Variants in GLO1 observed in about 807,000 individuals in gnomAD.
The protein encoded by GLO1 is glyoxalase I.
Under a neutral mutation model 26.0 loss-of-function variants are expected in GLO1, and 28 were observed. The ratio of observed to expected loss-of-function variants is 1.08; its 90% CI spans 0.80 to 1.48. GLO1 has a LOEUF of 1.48. GLO1 is among the 40% of genes most tolerant of loss of function. The pLI is 0.00. For missense variants in GLO1, 225 were observed against 224.8 expected, an observed-to-expected ratio of 1.00 and a Z score of -0.01; for synonymous variants, 78 against 77.6, an observed-to-expected ratio of 1.00 and a Z score of -0.03.
chr6:38,686,848 G>T, intron 2 of GLO1, 44 bp downstream of exon 2: 2 of 1,043,320 alleles, frequency 1.9e-6, no homozygotes, highest in Non-Finnish European at 3.0e-6. Context: ...GATTTGCAAA[G>T]CTATATATTT....
chr6:38,684,341 A>G (rs1322977559), intron 3 of GLO1, 33 bp downstream of exon 3: 1 of 1,142,078 alleles, frequency 8.8e-7, no homozygotes, highest in African/African-American at 1.6e-5. Flanking sequence ...TAAAAAATCT[A>G]TAATATATAT....
intron 5 of GLO1, among the ~76,000 whole-genome samples, chr6:38,678,118 A>C (rs751852734): frequency 5.3e-5 from 8 of 152,220 alleles, no homozygotes; most frequent in Non-Finnish European, 8.8e-5. Context: ...AAGCTCTGCG[A>C]GAGTCTTTCT....
intron 1 of GLO1, among the ~76,000 whole-genome samples, chr6:38,693,260 T>C (rs1231257452): frequency 1.3e-5 from 2 of 152,206 alleles, no homozygotes; most frequent in Non-Finnish European, 2.9e-5. Context: ...CCAATTCAAG[T>C]TGTCAAATTT....
At chr6:38,702,898 G>T in intron 1 of GLO1, 73 bp downstream of exon 1, 1 of 841,982 alleles carries the variant, frequency 1.2e-6, no homozygotes, top group Non-Finnish European at 2.0e-6. Flanking sequence ...CGGCGGGATG[G>T]GGTTGGATAG....
At chr6:38,682,439 G>A (rs1194558246) in intron 4 of GLO1, among the ~76,000 whole-genome samples, 1 of 152,154 alleles carries the variant, frequency 6.6e-6, no homozygotes, top group East Asian at 1.9e-4. Context: ...GACTATAGCA[G>A]CCAGCTGAAG....
At chr6:38,687,110 G>A (rs926084517) in intron 1 of GLO1, 136 bp from the exon 2 acceptor site, 71 of 1,428,764 alleles carry the variant, frequency 5.0e-5, no homozygotes, top group Non-Finnish European at 6.1e-5. Flanking sequence ...CTGCTCAGTG[G>A]TATCTTCTGG....
In GLO1 at chr6:38,677,077, C is replaced by T. The variant is rs1761265892; in HGVS notation, c.*218G>A. 3 of 535,556 alleles carry T rather than the reference C, an allele frequency of 5.6e-6. No individual in the cohort carries two copies. The East Asian group carries it at 9.6e-5, about 17-fold the overall frequency. The allele number at this position is 535,556 out of a possible 1,614,324, so 33.2% of individuals were successfully genotyped here. ...TTATTACCTAAAAAATAAAGTTACACAACTATATTCAAGGACATGAGATAA... is the reference window on the plus strand; with the variant it reads ...TTATTACCTAAAAAATAAAGTTACATAACTATATTCAAGGACATGAGATAA... On this transcript the variant is annotated 3_prime_UTR_variant, in exon 6 of 6. Transcript: ENST00000373365.
At chr6:38,697,561 G>T (rs916059702) in intron 1 of GLO1, among the ~76,000 whole-genome samples, 3 of 152,156 alleles carry the variant, frequency 2.0e-5, no homozygotes, top group Admixed American at 2.0e-4. Flanking sequence ...CCAAAGCTAT[G>T]GCTTCCTTTC....
At chr6:38,690,104 A>G (rs954060121) in intron 1 of GLO1, among the ~76,000 whole-genome samples, 1 of 152,166 alleles carries the variant, frequency 6.6e-6, no homozygotes, top group African/African-American at 2.4e-5. Context: ...TTTGACCAAG[A>G]TGTTCTCTTT....
At chr6:38,693,772 G>C (rs1412802800) in intron 1 of GLO1, among the ~76,000 whole-genome samples, 1 of 141,350 alleles carries the variant, frequency 7.1e-6, no homozygotes, top group Non-Finnish European at 1.6e-5. Context: ...GTGCAGTGGA[G>C]CGATCTCGGC....
At chr6:38,680,358 C>G (rs1042787703) in intron 5 of GLO1, among the ~76,000 whole-genome samples, 1 of 152,040 alleles carries the variant, frequency 6.6e-6, no homozygotes, top group Non-Finnish European at 1.5e-5. Flanking sequence ...CCCGTCTCTA[C>G]TAAAAATACA....
At chr6:38,697,976 AAC>A (rs1761636365) in intron 1 of GLO1, among the ~76,000 whole-genome samples, 1 of 152,210 alleles carries the variant, frequency 6.6e-6, no homozygotes. Flanking sequence ...GTGGTTCCTC[AAC>A]ACATTTGAGA....
intron 1 of GLO1, among the ~76,000 whole-genome samples, chr6:38,693,914 GT>G (rs1274359877): frequency 1.3e-5 from 2 of 152,002 alleles, no homozygotes; most frequent in Non-Finnish European, 2.9e-5. Context: ...GTTTCACCAT[GT>G]TAGCCAGGAT....
rs1217076332 is a variant in GLO1, at chr6:38,677,325, C to G, written c.525G>C (p.Leu175Phe). 4 of 1,553,734 alleles carry G rather than the reference C, an allele frequency of 2.6e-6. No homozygotes were observed. The highest frequency in any genetic ancestry group is 1.7e-4 in the Middle Eastern group (1 of 5,976). Residue 175 changes from leucine to phenylalanine, a missense_variant, in exon 6 of 6, where the codon TTG (leucine) becomes TTC (phenylalanine). Physicochemically the swap from Leu to Phe is conservative, Grantham distance 22. Transcript: ENST00000373365. ...TTAAGGTTGCCATTTTGTTAGGATT[C>G]AAAATTTCAATCCAGTAGCCATCAG... ...QDPDGYWIEILNPNKMATLM is the reference protein window; with the variant it reads ...QDPDGYWIEIFNPNKMATLM
Position 38,684,380 on chromosome 6 carries a change from A to G in GLO1, c.302T>C (p.Leu101Pro). ...TATAGAAACTCATACTCACTGTGTC[A>G]GCTCAAGTGTAGCTTTTCTGGAGAG... The part of the protein sequence containing the change: ...WALSRKATLE[L>P]THNWGTEDDE... Residue 101 changes from leucine to proline, a missense_variant, in exon 3 of 6, where the codon CTG (leucine) becomes CCG (proline). Leu to Pro is a moderately conservative substitution (Grantham distance 98). Coordinates refer to ENST00000373365, the MANE Select transcript of GLO1 (RefSeq NM_006708.3). The G allele has an allele frequency of 6.8e-7, 1 of 1,472,124 alleles. No individual in the cohort carries two copies. Among genetic ancestry groups the G allele is most frequent in the Non-Finnish European group, 9.1e-7 (1 of 1,103,782 alleles). 91.2% of individuals were successfully genotyped at this position (1,472,124 alleles called of 1,614,324 possible).
Position 38,676,871 on chromosome 6 carries a change from G to A in GLO1, c.*424C>T, listed in dbSNP as rs977722194. On this transcript the variant is annotated 3_prime_UTR_variant, in exon 6 of 6. Coordinates refer to ENST00000373365, the MANE Select transcript of GLO1 (RefSeq NM_006708.3). The stretch of plus-strand genomic sequence containing the variant: ...TTTGTACTTTACTGAAAGAACACTA[G>A]TGTTCTTTCCTTTCCGTTGTGAAAA... The A allele has an allele frequency of 1.2e-5, 2 of 163,294 alleles. No individual in the cohort carries two copies. The highest frequency in any genetic ancestry group is 2.4e-5 in the African/African-American group (1 of 41,468). The allele number at this position is 163,294 out of a possible 1,614,324, so 10.1% of individuals were successfully genotyped here.
chr6:38,684,539 G>C, intron 2 of GLO1, 25 bp from the exon 3 acceptor site: 1 of 1,433,644 alleles, frequency 7.0e-7, no homozygotes, highest in Non-Finnish European at 9.2e-7. Context: ...CAACAAGCCT[G>C]AATCATTAAC....
chr6:38,681,264 A>G (rs899641496), intron 5 of GLO1, among the ~76,000 whole-genome samples: 11 of 152,120 alleles, frequency 7.2e-5, no homozygotes, highest in East Asian at 5.8e-4. Flanking sequence ...GGGTTTCACC[A>G]TGTTAGCCCA....
At chr6:38,680,789 GA>G (rs930175022) in intron 5 of GLO1, among the ~76,000 whole-genome samples, 4 of 152,142 alleles carry the variant, frequency 2.6e-5, no homozygotes, top group African/African-American at 9.7e-5. Flanking sequence ...TACTTAGGAG[GA>G]GGCTGAGGCA....
Sources: allele counts gnomAD v4.1 joint callset (sites outside exome capture counted in the v4.1 genomes callset), GRCh38; gene constraint gnomAD v4.1.1; transcripts MANE v1.5; gene names NCBI Gene and HGNC (gene_info 2026-07-23, HGNC 2026-07-21).